The following PARD3B variants were observed in gnomAD, a reference collection of about 807,000 sequenced individuals.
The protein encoded by PARD3B is par-3 family cell polarity regulator beta, also known as partitioning defective 3 homolog B.
Under a neutral mutation model 130.2 loss-of-function variants are expected in PARD3B, and 103 were observed. The ratio of observed to expected loss-of-function variants is 0.79; its 90% CI spans 0.67 to 0.93. The LOEUF (loss-of-function observed/expected upper bound fraction) is 0.93. Ranked by LOEUF, PARD3B falls within the 40% of genes least tolerant of loss-of-function variation. The probability of loss-of-function intolerance (pLI) is 0.00; values close to 1 mark genes in which losing one functional copy is unlikely to be tolerated. For missense variants in PARD3B, 1,609 were observed against 1,499.2 expected (o/e 1.07, Z -1.21); for synonymous variants, 583 against 553.2 (o/e 1.05, Z -0.76).
At chr2:205,406,616 T>A (rs2046422516) in intron 19 of PARD3B, among the ~76,000 whole-genome samples, 1 of 151,024 alleles carries the variant, frequency 6.6e-6, no homozygotes, top group Non-Finnish European at 1.5e-5. Context: ...CTTATCTAAT[T>A]AAGTACATTA....
chr2:204,699,842 C>G (rs2037807244), intron 2 of PARD3B, among the ~76,000 whole-genome samples: 1 of 152,028 alleles, frequency 6.6e-6, no homozygotes, highest in African/African-American at 2.4e-5. Flanking sequence ...AAATATTTTG[C>G]ATTTAACAGA....
intron 3 of PARD3B, among the ~76,000 whole-genome samples, chr2:205,014,759 T>G (rs1695992436): frequency 6.6e-6 from 1 of 152,178 alleles, no homozygotes; most frequent in Admixed American, 6.5e-5. Flanking sequence ...CACATGTAAC[T>G]GCAAACTTTG....
At chr2:205,380,953 T>A (rs1158453038) in intron 18 of PARD3B, among the ~76,000 whole-genome samples, 5 of 11,682 alleles carry the variant, frequency 4.3e-4, no homozygotes, top group African/African-American at 1.1e-3. Flanking sequence ...TAATATATAA[T>A]GTATATAATA....
intron 2 of PARD3B, among the ~76,000 whole-genome samples, chr2:204,856,842 T>G: frequency 6.6e-6 from 1 of 152,124 alleles, no homozygotes; most frequent in African/African-American, 2.4e-5. Context: ...CTATAAATAC[T>G]TAGATTTCTT....
chr2:204,815,826 T>A (rs1248018749), intron 2 of PARD3B, among the ~76,000 whole-genome samples: 1 of 152,050 alleles, frequency 6.6e-6, no homozygotes, highest in Non-Finnish European at 1.5e-5. Flanking sequence ...TTTCTGGAGA[T>A]GTTTTGTTAC....
chr2:204,719,049 A>G (rs953213421), intron 2 of PARD3B, among the ~76,000 whole-genome samples: 1 of 152,210 alleles, frequency 6.6e-6, no homozygotes, highest in African/African-American at 2.4e-5. Context: ...TGGAGAGATA[A>G]CAGTTAATTA....
At chr2:205,242,598 G>T (rs922557776) in intron 15 of PARD3B, among the ~76,000 whole-genome samples, 1 of 152,108 alleles carries the variant, frequency 6.6e-6, no homozygotes, top group Admixed American at 6.5e-5. Flanking sequence ...CAATGTAAAA[G>T]TACCTAGTGC....
intron 18 of PARD3B, among the ~76,000 whole-genome samples, chr2:205,378,929 C>CT (rs990001416): frequency 1.1e-3 from 163 of 147,970 alleles, no homozygotes; most frequent in Middle Eastern, 3.5e-3. Flanking sequence ...CATGCCTGGC[C>CT]TTTTTTTTTT....
chr2:204,672,219 A>G (rs2036339379), intron 1 of PARD3B, among the ~76,000 whole-genome samples: 3 of 152,242 alleles, frequency 2.0e-5, no homozygotes, highest in African/African-American at 7.2e-5. Context: ...TTTTATTAGC[A>G]GGCTATTTTC....
intron 1 of PARD3B, among the ~76,000 whole-genome samples, chr2:204,598,079 A>AT (rs1288246673): frequency 1.3e-5 from 2 of 152,168 alleles, no homozygotes; most frequent in Non-Finnish European, 2.9e-5. Flanking sequence ...AGACTATCAA[A>AT]TTAAAAGTTA....
At chr2:205,571,374 A>G (rs2053555760) in intron 22 of PARD3B, among the ~76,000 whole-genome samples, 2 of 152,240 alleles carry the variant, frequency 1.3e-5, no homozygotes, top group Admixed American at 6.5e-5. Context: ...GAAAGTAACA[A>G]GCTGCTCACT....
At chr2:204,726,261 G>A (rs2039222366) in intron 2 of PARD3B, among the ~76,000 whole-genome samples, 1 of 152,134 alleles carries the variant, frequency 6.6e-6, no homozygotes, top group South Asian at 2.1e-4. Context: ...TGACCTTGAA[G>A]GTAAAGAATT....
intron 21 of PARD3B, among the ~76,000 whole-genome samples, chr2:205,517,960 T>G (rs373989618): frequency 6.6e-6 from 1 of 152,134 alleles, no homozygotes; most frequent in Non-Finnish European, 1.5e-5. Context: ...TTTGTTATGA[T>G]TTTGGTTGTT....
At chr2:204,691,127 G>A (rs953657378) in intron 2 of PARD3B, among the ~76,000 whole-genome samples, 14 of 152,126 alleles carry the variant, frequency 9.2e-5, no homozygotes, top group African/African-American at 3.4e-4. Flanking sequence ...AAAGCTTAAT[G>A]CTTCCTTCCT....
chr2:204,736,671 A>G (rs1475181312), intron 2 of PARD3B, among the ~76,000 whole-genome samples: 2 of 152,076 alleles, frequency 1.3e-5, no homozygotes, highest in East Asian at 1.9e-4. Context: ...TTCTTTATCC[A>G]CTTGGAAGTT....
intron 15 of PARD3B, among the ~76,000 whole-genome samples, chr2:205,234,288 C>G (rs958693905): frequency 6.6e-6 from 1 of 152,060 alleles, no homozygotes; most frequent in Non-Finnish European, 1.5e-5. Flanking sequence ...GCATTGCTCT[C>G]CAATATGGGC....
intron 3 of PARD3B, among the ~76,000 whole-genome samples, chr2:204,972,751 C>T (rs532342432): frequency 6.6e-6 from 1 of 152,298 alleles, no homozygotes; most frequent in African/African-American, 2.4e-5. Context: ...CCTTTGGCCT[C>T]TTACCAATGC....
chr2:204,920,455 AT>A lies in PARD3B; in HGVS notation c.223-44696del, dbSNP rs1411822854. On this transcript the variant is annotated intron_variant, in intron 2 of 22. Coordinates refer to ENST00000406610, the MANE Select transcript of PARD3B (RefSeq NM_001302769.2). ...AATCTGAGTACACAACCATGGCCTT[AT>A]GCCCTGGAGTTTTACAGCTCTACGT... is the stretch of plus-strand genomic sequence containing the variant. Among the ~76,000 whole-genome samples the A allele has an allele frequency of 3.9e-5, 6 of 152,316 alleles. No individual in the cohort carries two copies. The South Asian group carries it at 8.3e-4, about 21-fold the overall frequency.
chr2:204,772,281 T>C (rs2125432819), intron 2 of PARD3B, among the ~76,000 whole-genome samples: 1 of 152,194 alleles, frequency 6.6e-6, no homozygotes, highest in Non-Finnish European at 1.5e-5. Context: ...GAGTCAGTCC[T>C]GAAAGAGTTA....
Sources: gnomAD v4.1 joint callset for allele counts (sites outside exome capture counted in the v4.1 genomes callset) on GRCh38, gnomAD v4.1.1 for gene constraint, MANE v1.5 for transcripts, NCBI Gene and HGNC (gene_info 2026-07-23, HGNC 2026-07-21) for gene names.